Variants in AOX1 observed in about 807,000 individuals in gnomAD.
AOX1 encodes aldehyde oxidase.
A neutral mutation model predicts 169.5 loss-of-function variants in AOX1; 153 were observed. The ratio of observed to expected loss-of-function variants is 0.90; its 90% CI spans 0.79 to 1.03. The LOEUF is 1.03. AOX1 is among the 50% of genes least tolerant of loss of function. AOX1 has a pLI of 0.00. For synonymous variants in AOX1, 562 were observed against 581.9 expected, an observed-to-expected ratio of 0.97 and a Z score of 0.49; for missense variants, 1,656 against 1,663.9, an observed-to-expected ratio of 1.00 and a Z score of 0.08.
At chr2:200,680,808 A>G (rs1225747760), downstream of AOX1, among the ~76,000 whole-genome samples, 1 of 150,596 alleles carries the variant, frequency 6.6e-6, no homozygotes, top group Non-Finnish European at 1.5e-5. Flanking sequence ...AGCCTCCCAA[A>G]ATGCTGGGAT....
chr2:200,588,756 G>T (rs1047589387), intron 1 of AOX1, among the ~76,000 whole-genome samples: 14 of 35,194 alleles, frequency 4.0e-4, no homozygotes, highest in African/African-American at 1.1e-3. Flanking sequence ...TTGAGATCGA[G>T]TCTCACTCTG....
chr2:200,594,288 C>T (rs1324806810), intron 2 of AOX1, among the ~76,000 whole-genome samples: 1 of 152,164 alleles, frequency 6.6e-6, no homozygotes, highest in East Asian at 1.9e-4. Context: ...TGGTGGAGAG[C>T]AGTCCATGGG....
At chr2:200,604,895 T>TGGGGGGGGGTGGGGTG in intron 9 of AOX1, 55 bp downstream of exon 9, 1 of 715,262 alleles carries the variant, frequency 1.4e-6, no homozygotes, top group Non-Finnish European at 2.4e-6. Context: ...GGGCTTGGGA[T>TGGGGGGGGGTGGGGTG]GGGGCCGGGG....
rs1382665895 is a variant in AOX1, at chr2:200,656,085, CA to C, written c.3076-756del. ...ACCCAGACCACACCCATGCGGTCAG[CA>C]CTTCCCTGCTGCAAAACTGTAAAGG... On this transcript the variant is annotated intron_variant, in intron 26 of 34. Coordinates refer to ENST00000374700, the MANE Select transcript of AOX1 (RefSeq NM_001159.4). Among the ~76,000 whole-genome samples, 3 of 152,238 alleles carry C rather than the reference CA, an allele frequency of 2.0e-5. No individual in the cohort carries two copies. The East Asian group carries it at 5.8e-4, about 29-fold the overall frequency.
intron 34 of AOX1, among the ~76,000 whole-genome samples, chr2:200,670,361 T>G (rs905561896): frequency 3.9e-5 from 6 of 152,170 alleles, no homozygotes; most frequent in Non-Finnish European, 5.9e-5. Flanking sequence ...TGGTTTTCCC[T>G]AAGCCCCTGA....
At chr2:200,632,284 A>G (rs1260509888) in intron 20 of AOX1, among the ~76,000 whole-genome samples, 1 of 150,968 alleles carries the variant, frequency 6.6e-6, no homozygotes, top group Non-Finnish European at 1.5e-5. Flanking sequence ...TGGTAGCTCT[A>G]GATAGTTTAC....
chr2:200,602,363 C>T lies in AOX1; in HGVS notation c.498+18C>T, dbSNP rs1421894816. 1.9e-6 allele frequency: 3 copies of T among 1,609,780 alleles called. No homozygotes were observed. The highest frequency in any genetic ancestry group is 4.5e-5 in the East Asian group (2 of 44,758). ...TCTGTAAAGTAAGTGGAAAGGACCA[C>T]ATGTTTGAGTATGTTTTCCCCAGTG... On this transcript the variant is annotated intron_variant, in intron 6 of 34. Coordinates refer to ENST00000374700, the MANE Select transcript of AOX1 (RefSeq NM_001159.4).
rs559300193 is a variant in AOX1 at position 200,670,487 on chromosome 2, T to C, written c.3967-142T>C. 7.9e-5 allele frequency: 54 copies of C among 682,376 alleles called. No individual in the cohort carries two copies. In the Middle Eastern group the frequency reaches 1.0e-3, roughly 13 times the overall value. The allele number at this position is 682,376 out of a possible 1,614,324, so 42.3% of individuals were successfully genotyped here. A position where few individuals can be genotyped will look rare whatever the true frequency, so the allele number is the denominator to read the frequency against. On this transcript the variant is annotated intron_variant, in intron 34 of 34. Transcript: ENST00000374700. ...TCCAGTCCTCCCCTGGCTTCCTCTA[T>C]ACTTCACAGGCTGTTGTTCCCTGAC...
At chr2:200,618,269 T>A (rs2034809594) in intron 16 of AOX1, among the ~76,000 whole-genome samples, 1 of 152,238 alleles carries the variant, frequency 6.6e-6, no homozygotes, top group Non-Finnish European at 1.5e-5. Context: ...ATACTCCGTT[T>A]TTTGTTCACT....
chr2:200,597,355 C>T (rs376190651), intron 3 of AOX1, 42 bp from the exon 4 acceptor site: 14 of 1,457,776 alleles, frequency 9.6e-6, no homozygotes, highest in East Asian at 2.3e-5. Context: ...CCACTGTATG[C>T]GACATAATTT....
chr2:200,665,680 C>G (rs922282514), intron 31 of AOX1, among the ~76,000 whole-genome samples: 2 of 152,200 alleles, frequency 1.3e-5, no homozygotes, highest in African/African-American at 4.8e-5. Context: ...GATCTGCCCC[C>G]CTCGGCCTCC....
downstream of AOX1, among the ~76,000 whole-genome samples, chr2:200,679,706 A>G (rs2036137538): frequency 6.6e-6 from 1 of 151,790 alleles, no homozygotes; most frequent in Admixed American, 6.6e-5. Flanking sequence ...TCAGGGAGGA[A>G]TTTCTCCCTA....
downstream of AOX1, among the ~76,000 whole-genome samples, chr2:200,672,752 A>T (rs900808720): frequency 9.2e-5 from 14 of 152,204 alleles, no homozygotes; most frequent in African/African-American, 3.1e-4. Flanking sequence ...GTGATGGAGC[A>T]GGTGGCAGGT....
chr2:200,596,188 GCC>G (rs2106367438), intron 3 of AOX1, among the ~76,000 whole-genome samples: 1 of 152,330 alleles, frequency 6.6e-6, no homozygotes, highest in Admixed American at 6.5e-5. Context: ...TCAGATATCT[GCC>G]TGTGTTCCAC....
chr2:200,608,243 GA>G (rs1403481571), intron 10 of AOX1, among the ~76,000 whole-genome samples: 1 of 152,176 alleles, frequency 6.6e-6, no homozygotes, highest in East Asian at 1.9e-4. Flanking sequence ...CTAATTGTCT[GA>G]ATAGTTCAGT....
downstream of AOX1, among the ~76,000 whole-genome samples, chr2:200,677,340 C>T (rs2036113970): frequency 6.6e-6 from 1 of 152,184 alleles, no homozygotes; most frequent in South Asian, 2.1e-4. Flanking sequence ...TTGATAACTT[C>T]AGACCACATT....
At chr2:200,600,389 A>G (rs2034385578) in intron 5 of AOX1, among the ~76,000 whole-genome samples, 2 of 152,090 alleles carry the variant, frequency 1.3e-5, no homozygotes, top group South Asian at 4.1e-4. Context: ...CTGAGATCTT[A>G]TGGTGAAACT....
chr2:200,586,555 C>T (rs551255594), intron 1 of AOX1, among the ~76,000 whole-genome samples: 1 of 152,222 alleles, frequency 6.6e-6, no homozygotes, highest in South Asian at 2.1e-4. Flanking sequence ...TGAGAGCAGC[C>T]TACAGAAATG....
rs1411467084 is a variant in AOX1 at position 200,603,201 on chromosome 2, C to T, written c.499-66C>T. 3.9e-6 allele frequency: 5 copies of T among 1,292,458 alleles called. 1 individual carries two copies. The highest frequency in any genetic ancestry group is 5.6e-6 in the Non-Finnish European group (5 of 891,488). 80.1% of individuals were successfully genotyped at this position (1,292,458 alleles called of 1,614,324 possible). A position where few individuals can be genotyped will look rare whatever the true frequency, so the allele number is the denominator to read the frequency against. The stretch of plus-strand genomic sequence containing the variant: ...AGCATTATGTTTCAACTGGCATTCA[C>T]CTGCTTTATTTACTAGTTAGTAGAA... On this transcript the variant is annotated intron_variant, in intron 6 of 34. Transcript: ENST00000374700.
Sources: gnomAD v4.1 joint callset for allele counts (sites outside exome capture counted in the v4.1 genomes callset) on GRCh38, gnomAD v4.1.1 for gene constraint, MANE v1.5 for transcripts, NCBI Gene and HGNC (gene_info 2026-07-23, HGNC 2026-07-21) for gene names.